The following PTPN14 variants were observed in gnomAD, a reference collection of about 807,000 sequenced individuals.
PTPN14 encodes tyrosine-protein phosphatase non-receptor type 14.
PTPN14 carries 53 observed loss-of-function variants against 126.8 expected under a neutral mutation model. That is an observed-to-expected ratio of 0.42 (90% CI 0.34 to 0.53). The LOEUF is 0.53. Among genes scored for constraint, PTPN14 ranks in the 20% least tolerant of loss-of-function variants. The pLI is 0.08. For missense variants in PTPN14, 1,257 were observed against 1,552.9 expected, an observed-to-expected ratio of 0.81 and a Z score of 3.20; for synonymous variants, 630 against 599.3, an observed-to-expected ratio of 1.05 and a Z score of -0.75.
chr1:214,529,122 C>T (rs1045198718), intron 1 of PTPN14: 2 of 151,584 alleles, frequency 1.3e-5, no homozygotes, highest in Non-Finnish European at 2.9e-5. Context: ...GGGGATATAG[C>T]AAGATCTTCA....
chr1:214,461,557 G>A (rs984141304), intron 2 of PTPN14, among the ~76,000 whole-genome samples: 23 of 151,918 alleles, frequency 1.5e-4, no homozygotes, highest in Non-Finnish European at 2.9e-4. Context: ...TTGAGCTCAG[G>A]AGGTTGAGGC....
At chr1:214,496,536 T>C (rs1187448976) in intron 1 of PTPN14, among the ~76,000 whole-genome samples, 5 of 152,214 alleles carry the variant, frequency 3.3e-5, no homozygotes, top group African/African-American at 1.2e-4. Context: ...GTTTTCTGTT[T>C]CTTGTTTTCA....
In PTPN14 at chr1:214,401,620, A is replaced by G. The variant is rs979949163; in HGVS notation, c.669+65T>C. 8 of 1,372,670 alleles carry G rather than the reference A, an allele frequency of 5.8e-6. No homozygotes were observed. The African/African-American group carries it at 5.9e-5, about 10-fold the overall frequency. The allele number at this position is 1,372,670 out of a possible 1,614,324, so 85.0% of individuals were successfully genotyped here. A position where few individuals can be genotyped will look rare whatever the true frequency, so the allele number is the denominator to read the frequency against. On this transcript the variant is annotated intron_variant, in intron 7 of 18. Coordinates refer to ENST00000366956, the MANE Select transcript of PTPN14 (RefSeq NM_005401.5). Reference sequence around the variant, plus strand: ...CCATTCTGGCCCACTGCTATCAACAATGGTTTTCCAAATGCCAGTACCGGT... The same window carrying G: ...CCATTCTGGCCCACTGCTATCAACAGTGGTTTTCCAAATGCCAGTACCGGT...
chr1:214,461,940 A>T (rs915911269), intron 2 of PTPN14, among the ~76,000 whole-genome samples: 8 of 152,082 alleles, frequency 5.3e-5, no homozygotes, highest in African/African-American at 1.9e-4. Context: ...CCTTGAGTTC[A>T]CCTCCTCTTA....
At chr1:214,398,137 C>G in intron 7 of PTPN14, 136 bp from the exon 8 acceptor site, 1 of 651,056 alleles carries the variant, frequency 1.5e-6, no homozygotes, top group South Asian at 2.2e-5. Context: ...CATGTGTGTA[C>G]AAGGGAGTAC....
At chr1:214,539,116 C>T (rs1185507591) in intron 1 of PTPN14, among the ~76,000 whole-genome samples, 3 of 152,114 alleles carry the variant, frequency 2.0e-5, no homozygotes, top group African/African-American at 7.2e-5. Context: ...ATCATTTTAA[C>T]GATCCAAGCC....
intron 1 of PTPN14, among the ~76,000 whole-genome samples, chr1:214,498,107 T>A (rs1654581181): frequency 6.6e-6 from 1 of 152,220 alleles, no homozygotes. Flanking sequence ...TAAAATATTA[T>A]AACAAAGTAC....
At chr1:214,482,972 T>C in intron 1 of PTPN14, 1 of 1,597,296 alleles carries the variant, frequency 6.3e-7, no homozygotes, top group Non-Finnish European at 8.6e-7. Context: ...CATCAATTTG[T>C]GTAACAATCT....
Position 214,372,696 on chromosome 1 carries a change from G to A in PTPN14, c.3036+15C>T. ...CCCTGGGGAAAAAGGATGTGGAGTA[G>A]GCCATTCCCCTTACCTCCTCTGCAG... On this transcript the variant is annotated intron_variant, in intron 16 of 18. Coordinates refer to ENST00000366956, the MANE Select transcript of PTPN14 (RefSeq NM_005401.5). 6.2e-7 allele frequency: 1 copy of A among 1,613,986 alleles called. No individual in the cohort carries two copies. Among genetic ancestry groups the A allele is most frequent in the Non-Finnish European group, 8.5e-7 (1 of 1,179,934 alleles).
rs891463593 is a variant in PTPN14, at chr1:214,543,734, T to C, written c.-155+7449A>G. 8.6e-5 allele frequency among the ~76,000 whole-genome samples: 13 copies of C among 151,960 alleles called. 1 individual carries two copies. The highest frequency in any genetic ancestry group is 2.7e-4 in the African/African-American group (11 of 41,366). On this transcript the variant is annotated intron_variant, in intron 1 of 18. Coordinates refer to ENST00000366956, the MANE Select transcript of PTPN14 (RefSeq NM_005401.5). Reference sequence around the variant, plus strand: ...GCAACCTCCGCCTCCTGGGTTCAAGTGATTCTCCTGAGTAGCTGGGACTAC... The same window carrying C: ...GCAACCTCCGCCTCCTGGGTTCAAGCGATTCTCCTGAGTAGCTGGGACTAC...
At chr1:214,372,893 C>G in intron 15 of PTPN14, 54 bp from the exon 16 acceptor site, 1 of 1,603,112 alleles carries the variant, frequency 6.2e-7, no homozygotes, top group Non-Finnish European at 8.5e-7. Flanking sequence ...ACAACATTAC[C>G]TGCTGATCAC....
chr1:214,444,517 G>T (rs540469520), intron 3 of PTPN14, among the ~76,000 whole-genome samples: 1 of 152,222 alleles, frequency 6.6e-6, no homozygotes, highest in South Asian at 2.1e-4. Flanking sequence ...ACAAAATAAA[G>T]GGTGTTGTAA....
At chr1:214,372,688 G>A (rs1186131149) in intron 16 of PTPN14, 23 bp downstream of exon 16, 2 of 1,613,822 alleles carry the variant, frequency 1.2e-6, no homozygotes, top group Non-Finnish European at 1.7e-6. Context: ...GAAAAAGGAT[G>A]TGGAGTAGGC....
At chr1:214,368,215 T>TATTTATTTATTTATTTATTC (rs1283312032) in intron 17 of PTPN14, among the ~76,000 whole-genome samples, 1 of 151,728 alleles carries the variant, frequency 6.6e-6, no homozygotes, top group African/African-American at 2.4e-5. Context: ...TTTATTTATT[T>TATTTATTTATTTATTTATTC]ATTTATTTTT....
chr1:214,518,169 G>A (rs1655155602), intron 1 of PTPN14, among the ~76,000 whole-genome samples: 1 of 152,154 alleles, frequency 6.6e-6, no homozygotes, highest in Non-Finnish European at 1.5e-5. Context: ...TGGATGGGAT[G>A]AATTTCTCTT....
chr1:214,521,066 GA>G (rs1490722274), intron 1 of PTPN14, among the ~76,000 whole-genome samples: 9 of 152,084 alleles, frequency 5.9e-5, no homozygotes, highest in Non-Finnish European at 1.0e-4. Context: ...TTCCTAAGTA[GA>G]AAATGAAATT....
intron 17 of PTPN14, among the ~76,000 whole-genome samples, chr1:214,368,144 G>T (rs1241377572): frequency 1.3e-5 from 2 of 151,778 alleles, no homozygotes; most frequent in Non-Finnish European, 2.9e-5. Context: ...GGGAAATATA[G>T]GTCTTGTGAG....
intron 3 of PTPN14, among the ~76,000 whole-genome samples, chr1:214,427,014 CTCACGCCTGT>C (rs1659680011): frequency 6.6e-6 from 1 of 152,166 alleles, no homozygotes; most frequent in African/African-American, 2.4e-5. Context: ...AGCGTGGTGG[CTCACGCCTGT>C]AATCCCAGCA....
chr1:214,459,988 A>C (rs1660473705), intron 2 of PTPN14, among the ~76,000 whole-genome samples: 1 of 152,190 alleles, frequency 6.6e-6, no homozygotes, highest in Admixed American at 6.5e-5. Flanking sequence ...TTGAGGAAAG[A>C]ATGTTTCCCA....
Sources: allele counts gnomAD v4.1 joint callset (sites outside exome capture counted in the v4.1 genomes callset), GRCh38; gene constraint gnomAD v4.1.1; transcripts MANE v1.5; gene names NCBI Gene and HGNC (gene_info 2026-07-23, HGNC 2026-07-21).